Variants in ADGRL2 observed in about 807,000 individuals in gnomAD.
ADGRL2 encodes the protein calcium-independent alpha-latrotoxin receptor 2.
A neutral mutation model predicts 157.4 loss-of-function variants in ADGRL2; 44 were observed. The ratio of observed to expected loss-of-function variants is 0.28; its 90% CI spans 0.22 to 0.36. The LOEUF is 0.36. Among genes scored for constraint, ADGRL2 ranks in the 10% least tolerant of loss-of-function variants. The probability of loss-of-function intolerance (pLI) is 1.00; values close to 1 mark genes in which losing one functional copy is unlikely to be tolerated. For missense variants in ADGRL2, 1,510 were observed against 1,768.9 expected, an observed-to-expected ratio of 0.85 and a Z score of 2.63; for synonymous variants, 585 against 624.7, an observed-to-expected ratio of 0.94 and a Z score of 0.95.
At chr1:81,458,988 A>G (rs906065929) in intron 2 of ADGRL2, among the ~76,000 whole-genome samples, 3 of 152,150 alleles carry the variant, frequency 2.0e-5, no homozygotes, top group Non-Finnish European at 2.9e-5. Context: ...TGACAGAAGG[A>G]AAGCTCTCAG....
At chr1:81,670,601 A>T (rs534520464) in intron 3 of ADGRL2, among the ~76,000 whole-genome samples, 20 of 152,348 alleles carry the variant, frequency 1.3e-4, no homozygotes, top group Non-Finnish European at 2.8e-4. Context: ...CGGCATCTGG[A>T]CCAGCACCCT....
chr1:81,372,551 C>T (rs892037699), intron 1 of ADGRL2, among the ~76,000 whole-genome samples: 1 of 152,164 alleles, frequency 6.6e-6, no homozygotes, highest in Non-Finnish European at 1.5e-5. Flanking sequence ...CACAGTTTTA[C>T]CTCATCAGAT....
At chr1:81,923,843 G>T (rs1041133570) in intron 3 of ADGRL2, among the ~76,000 whole-genome samples, 2 of 152,084 alleles carry the variant, frequency 1.3e-5, no homozygotes, top group African/African-American at 2.4e-5. Context: ...ACTGTGTGAG[G>T]CCTGATACAA....
intron 1 of ADGRL2, among the ~76,000 whole-genome samples, chr1:81,389,378 A>T (rs1409156198): frequency 6.6e-6 from 1 of 152,200 alleles, no homozygotes; most frequent in Non-Finnish European, 1.5e-5. Flanking sequence ...CTATGAAGAA[A>T]TTCTAGAAAA....
At chr1:81,763,397 C>T (rs2085970085) in intron 2 of ADGRL2, among the ~76,000 whole-genome samples, 1 of 151,602 alleles carries the variant, frequency 6.6e-6, no homozygotes. Context: ...CCAGCCTGGT[C>T]AACATGGTGA....
At chr1:81,336,229 C>T (rs1661635212) in intron 1 of ADGRL2, among the ~76,000 whole-genome samples, 1 of 152,188 alleles carries the variant, frequency 6.6e-6, no homozygotes, top group Non-Finnish European at 1.5e-5. Flanking sequence ...TTTCTGGAAA[C>T]CTTTTGTGCA....
intron 1 of ADGRL2, among the ~76,000 whole-genome samples, chr1:81,831,362 C>T (rs987925598): frequency 1.3e-5 from 2 of 152,138 alleles, no homozygotes; most frequent in African/African-American, 4.8e-5. Context: ...CTGTTATTAC[C>T]TAAGGGATGT....
intron 1 of ADGRL2, among the ~76,000 whole-genome samples, chr1:81,743,020 AT>A (rs529057698): frequency 0.023 from 3,494 of 150,090 alleles, 62 homozygotes; most frequent in Middle Eastern, 0.052. Flanking sequence ...GGCTTAGAGA[AT>A]TTTTTTTTTA....
At chr1:81,849,553 T>C (rs1376906384) in intron 2 of ADGRL2, among the ~76,000 whole-genome samples, 1 of 151,890 alleles carries the variant, frequency 6.6e-6, no homozygotes, top group African/African-American at 2.4e-5. Flanking sequence ...ATTAGACAAG[T>C]TAAAACGTAA....
chr1:81,492,324 T>C (rs1247966182), intron 2 of ADGRL2, among the ~76,000 whole-genome samples: 1 of 152,214 alleles, frequency 6.6e-6, no homozygotes, highest in African/African-American at 2.4e-5. Context: ...TATGTAAATA[T>C]CTTTGTAAAA....
intron 1 of ADGRL2, among the ~76,000 whole-genome samples, chr1:81,371,905 A>T (rs2076166994): frequency 6.6e-6 from 1 of 152,244 alleles, no homozygotes; most frequent in African/African-American, 2.4e-5. Context: ...TTACAATGAA[A>T]GTAACAGATG....
intron 2 of ADGRL2, among the ~76,000 whole-genome samples, chr1:81,522,654 T>A (rs913924596): frequency 3.9e-5 from 6 of 152,228 alleles, no homozygotes; most frequent in Non-Finnish European, 7.3e-5. Context: ...ACTTGCTTGC[T>A]GATTTTTTAA....
At chr1:81,629,902 T>G (rs184985982) in intron 3 of ADGRL2, among the ~76,000 whole-genome samples, 1 of 152,030 alleles carries the variant, frequency 6.6e-6, no homozygotes, top group East Asian at 1.9e-4. Context: ...AATTTTTTAT[T>G]AATCCTTTAT....
At chr1:81,355,545 C>G (rs1346301859) in intron 1 of ADGRL2, among the ~76,000 whole-genome samples, 1 of 151,988 alleles carries the variant, frequency 6.6e-6, no homozygotes, top group African/African-American at 2.4e-5. Context: ...AGTAAGTGAC[C>G]AAGTATCTGA....
At chr1:81,598,392 C>T (rs1047590730) in intron 3 of ADGRL2, among the ~76,000 whole-genome samples, 15 of 151,966 alleles carry the variant, frequency 9.9e-5, no homozygotes. Context: ...ATATATTAAG[C>T]GTGAAAAAAA....
intron 2 of ADGRL2, among the ~76,000 whole-genome samples, chr1:81,847,303 T>C (rs2092830978): frequency 6.6e-6 from 1 of 151,954 alleles, no homozygotes; most frequent in South Asian, 2.1e-4. Flanking sequence ...CTTGCTTCAG[T>C]AATCTGGGAT....
At chr1:81,345,505 A>G (rs1207910838) in intron 1 of ADGRL2, among the ~76,000 whole-genome samples, 1 of 152,256 alleles carries the variant, frequency 6.6e-6, no homozygotes, top group Non-Finnish European at 1.5e-5. Context: ...TAACTGGAAG[A>G]TTAATCATAT....
intron 1 of ADGRL2, among the ~76,000 whole-genome samples, chr1:81,832,878 G>A (rs750774689): frequency 3.3e-5 from 5 of 152,164 alleles, no homozygotes; most frequent in African/African-American, 1.2e-4. Flanking sequence ...TGTGTTCTCT[G>A]ATGTTAAGAA....
chr1:81,659,707 G>A (rs562354810), intron 3 of ADGRL2, among the ~76,000 whole-genome samples: 50 of 152,260 alleles, frequency 3.3e-4, no homozygotes, highest in African/African-American at 9.9e-4. Flanking sequence ...CTGTTAACAC[G>A]TCACCATTAC....
Sources: gnomAD v4.1 joint callset for allele counts (sites outside exome capture counted in the v4.1 genomes callset) on GRCh38, gnomAD v4.1.1 for gene constraint, MANE v1.5 for transcripts, NCBI Gene and HGNC (gene_info 2026-07-23, HGNC 2026-07-21) for gene names.